Variants in MALRD1 observed in about 807,000 individuals in gnomAD.
MALRD1 encodes the protein MAM and LDL receptor class A domain containing 1, also known as MAM and LDL-receptor class A domain-containing protein 1.
MALRD1 carries 247 observed loss-of-function variants against 242.1 expected under a neutral mutation model. That is an observed-to-expected ratio of 1.02 (90% CI 0.92 to 1.13). The LOEUF (loss-of-function observed/expected upper bound fraction) is 1.13. Ranked by LOEUF, MALRD1 falls within the 50% of genes most tolerant of loss-of-function variation. MALRD1 has a pLI of 0.00. For synonymous variants in MALRD1, 995 were observed against 866.6 expected (o/e 1.15, Z -2.60); for missense variants, 2,989 against 2,533.1 (o/e 1.18, Z -3.86).
At chr10:19,063,566 T>G (rs1312295691) in intron 1 of MALRD1, among the ~76,000 whole-genome samples, 1 of 152,208 alleles carries the variant, frequency 6.6e-6, no homozygotes, top group Non-Finnish European at 1.5e-5. Context: ...GATAGTTTAC[T>G]GAGAATGATG....
intron 6 of MALRD1, 56 bp from the exon 7 acceptor site, chr10:19,124,467 GT>G: frequency 4.9e-6 from 6 of 1,228,222 alleles, no homozygotes; most frequent in Non-Finnish European, 5.1e-6. Flanking sequence ...ACATAACTTG[GT>G]TAAGCAGCCA....
At chr10:19,606,287 T>C (rs989573201) in intron 34 of MALRD1, among the ~76,000 whole-genome samples, 2 of 152,280 alleles carry the variant, frequency 1.3e-5, no homozygotes, top group Middle Eastern at 3.4e-3. Flanking sequence ...TCATTGTCTT[T>C]ATTCATGTGC....
intron 33 of MALRD1, among the ~76,000 whole-genome samples, chr10:19,577,560 T>C (rs1216099267): frequency 6.6e-6 from 1 of 152,096 alleles, no homozygotes; most frequent in Non-Finnish European, 1.5e-5. Context: ...GAACTCCAAA[T>C]GACAACCATG....
chr10:19,498,316 A>G (rs1005862451), intron 30 of MALRD1, among the ~76,000 whole-genome samples, 169 bp from the exon 31 acceptor site: 7 of 152,254 alleles, frequency 4.6e-5, no homozygotes, highest in African/African-American at 1.2e-4. Context: ...CACTGCTTCT[A>G]GATCCTTCAA....
At chr10:19,416,633 T>C (rs186758967) in intron 28 of MALRD1, among the ~76,000 whole-genome samples, 34 of 152,230 alleles carry the variant, frequency 2.2e-4, no homozygotes, top group African/African-American at 7.5e-4. Flanking sequence ...ATACAGTACC[T>C]CTCTATTTAC....
intron 21 of MALRD1, among the ~76,000 whole-genome samples, chr10:19,294,645 G>A (rs766953374): frequency 1.3e-5 from 2 of 151,996 alleles, no homozygotes; most frequent in Non-Finnish European, 2.9e-5. Context: ...CTGTGTGCTT[G>A]GTTGTATGTC....
chr10:19,117,094 CA>C (rs35620225), intron 5 of MALRD1, among the ~76,000 whole-genome samples: 9,049 of 70,770 alleles, frequency 0.13, 250 homozygotes, highest in South Asian at 0.2. Flanking sequence ...GACTCTGTCT[CA>C]AAAAAAAAAA....
chr10:19,610,764 G>A (rs539412743), intron 35 of MALRD1, among the ~76,000 whole-genome samples: 1 of 152,076 alleles, frequency 6.6e-6, no homozygotes, highest in Admixed American at 6.6e-5. Context: ...TTCTAGTTCA[G>A]ATGCTTCTTT....
chr10:19,663,887 G>A (rs11818006), intron 36 of MALRD1, among the ~76,000 whole-genome samples: 6,351 of 151,950 alleles, frequency 0.042, 408 homozygotes, highest in African/African-American at 0.14. Context: ...GTGTTTTTTC[G>A]GCTAGACAGA....
chr10:19,330,854 A>C (rs10763947), intron 23 of MALRD1, among the ~76,000 whole-genome samples: 87,164 of 150,486 alleles, frequency 0.58, 25,159 homozygotes, highest in Middle Eastern at 0.61. Flanking sequence ...AAAGATGTGT[A>C]CAATTTAAAA....
chr10:19,595,322 G>A lies in MALRD1; in HGVS notation c.5809G>A (p.Asp1937Asn). The change falls in exon 34 of 40, where the codon GAT (aspartate) becomes AAT (asparagine). Residue 1937 changes from aspartate to asparagine, a missense_variant. Transcript: ENST00000454679. ...CTGCATAGATGGATCTGATGAAATG[G>A]ATTGTCCTCTCAGCCCCACCCCTCC... is the stretch of plus-strand genomic sequence containing the variant. Reference protein sequence around the residue: ...EDCIDGSDEMDCPLSPTPPLC... With the variant: ...EDCIDGSDEMNCPLSPTPPLC... 1 of 1,550,790 alleles carries A rather than the reference G, an allele frequency of 6.4e-7. No individual in the cohort carries two copies.
At chr10:19,370,965 C>T (rs1264915202) in intron 26 of MALRD1, among the ~76,000 whole-genome samples, 1 of 151,072 alleles carries the variant, frequency 6.6e-6, no homozygotes, top group Non-Finnish European at 1.5e-5. Context: ...TGTTTTTCTT[C>T]CTTTTCAAAA....
intron 5 of MALRD1, among the ~76,000 whole-genome samples, chr10:19,119,478 G>A (rs530550550): frequency 1.8e-3 from 275 of 152,250 alleles, no homozygotes; most frequent in Non-Finnish European, 3.2e-3. Context: ...GGAAGCCAGT[G>A]AGCCAGGAGT....
intron 28 of MALRD1, among the ~76,000 whole-genome samples, chr10:19,409,353 G>A (rs1280685294): frequency 6.6e-6 from 1 of 152,164 alleles, no homozygotes; most frequent in East Asian, 1.9e-4. Context: ...GCTTTGGGAA[G>A]CTGGAGCAGG....
intron 29 of MALRD1, among the ~76,000 whole-genome samples, chr10:19,469,380 G>A (rs1836384403): frequency 6.6e-6 from 1 of 152,002 alleles, no homozygotes; most frequent in East Asian, 1.9e-4. Flanking sequence ...TTTTAGCACA[G>A]CTGATTGTAT....
At chr10:19,538,113 G>A (rs1298304182) in intron 32 of MALRD1, among the ~76,000 whole-genome samples, 2 of 152,152 alleles carry the variant, frequency 1.3e-5, no homozygotes, top group Non-Finnish European at 2.9e-5. Context: ...AACTAGTATA[G>A]TCGTGAGATC....
chr10:19,142,635 A>G (rs1833591417), intron 10 of MALRD1, among the ~76,000 whole-genome samples: 1 of 152,236 alleles, frequency 6.6e-6, no homozygotes, highest in South Asian at 2.1e-4. Flanking sequence ...GGTGAAGCGT[A>G]TTCTGTAATC....
At chr10:19,710,714 A>G (rs1248961345) in intron 38 of MALRD1, 2 of 152,178 alleles carry the variant, frequency 1.3e-5, no homozygotes, top group African/African-American at 4.8e-5. Flanking sequence ...CTATTTCACC[A>G]TTATCATTTC....
At chr10:19,627,793 A>G (rs965030925) in intron 36 of MALRD1, among the ~76,000 whole-genome samples, 2 of 149,082 alleles carry the variant, frequency 1.3e-5, no homozygotes, top group African/African-American at 5.1e-5. Context: ...AAAAGGAAGA[A>G]AAAACAATAA....
Sources: gnomAD v4.1 joint callset for allele counts (sites outside exome capture counted in the v4.1 genomes callset) on GRCh38, gnomAD v4.1.1 for gene constraint, MANE v1.5 for transcripts, NCBI Gene and HGNC (gene_info 2026-07-23, HGNC 2026-07-21) for gene names.